Variants in SLC38A7 observed in about 807,000 individuals in gnomAD.
SLC38A7 encodes solute carrier family 38 member 7, also known as sodium-coupled neutral amino acid transporter 7.
A neutral mutation model predicts 50.1 loss-of-function variants in SLC38A7; 29 were observed. The observed-to-expected ratio is 0.58, with a 90% CI of 0.43 to 0.79. The LOEUF is 0.79. Ranked by LOEUF, SLC38A7 falls within the 30% of genes least tolerant of loss-of-function variation. The pLI is 0.00. For missense variants in SLC38A7, 483 were observed against 610.6 expected (o/e 0.79, Z 2.20); for synonymous variants, 244 against 245.9 (o/e 0.99, Z 0.07).
Position 58,676,319 on chromosome 16 carries a change from A to G in SLC38A7, c.738T>C (p.Asn246=). The change falls in exon 7 of 12, where the codon AAT becomes AAC. Residue 246 remains asparagine (N), a synonymous_variant. Transcript: ENST00000219320. ...ATCCGAAGCAGATGGTGGGCATGGC[A>G]TTGAACACAGCCATCCAGGAAGCCG... ...TRPASWMAVF[N]AMPTICFGFQ... The G allele has an allele frequency of 6.2e-7, 1 of 1,614,174 alleles. No homozygotes were observed. Among genetic ancestry groups the G allele is most frequent in the Non-Finnish European group, 8.5e-7 (1 of 1,180,030 alleles).
At chr16:58,673,424 T>C (rs12926781) in intron 8 of SLC38A7, among the ~76,000 whole-genome samples, 38,261 of 151,754 alleles carry the variant, frequency 0.25, 7,010 homozygotes, top group African/African-American at 0.52. Flanking sequence ...TTAGTAGAAA[T>C]GAGGTTTCAC....
At chr16:58,671,537 A>G in intron 9 of SLC38A7, 1 of 524,548 alleles carries the variant, frequency 1.9e-6, no homozygotes, top group African/African-American at 1.9e-5. Flanking sequence ...GTGAAAGCTC[A>G]GGAAAGGATC....
At chr16:58,676,993 T>C (rs2044281772) in intron 6 of SLC38A7, among the ~76,000 whole-genome samples, 1 of 151,224 alleles carries the variant, frequency 6.6e-6, no homozygotes, top group African/African-American at 2.4e-5. Context: ...CCCTCAAAGA[T>C]ACAGAAATTA....
At position 58,676,358 on chromosome 16, in the gene SLC38A7, C is replaced by G. The variant is rs1375131723; in HGVS notation, c.711-12G>C. On this transcript the variant is annotated splice_polypyrimidine_tract_variant and intron_variant, in intron 6 of 11. Coordinates refer to ENST00000219320, the MANE Select transcript of SLC38A7 (RefSeq NM_018231.3). ...TCCAGGAAGCCGGCCTGTGAACAAA[C>G]ACACATGGTGCTGCCACCTGGGAAC... The G allele has an allele frequency of 1.1e-5, 17 of 1,614,032 alleles. No homozygotes were observed. The highest frequency in any genetic ancestry group is 1.4e-5 in the Non-Finnish European group (16 of 1,180,040).
intron 11 of SLC38A7, 73 bp downstream of exon 11, chr16:58,670,040 T>C: frequency 7.1e-7 from 1 of 1,402,848 alleles, no homozygotes; most frequent in Non-Finnish European, 1.0e-6. Flanking sequence ...TCCTATCTGT[T>C]TTAAGGCCCC....
intron 9 of SLC38A7, 75 bp from the exon 10 acceptor site, chr16:58,671,319 C>A: frequency 6.8e-7 from 1 of 1,470,506 alleles, no homozygotes; most frequent in East Asian, 2.4e-5. Context: ...AGGAGCCAGA[C>A]CCCTAACTGG....
At chr16:58,673,302 T>G (rs1236799959) in intron 8 of SLC38A7, among the ~76,000 whole-genome samples, 3 of 150,922 alleles carry the variant, frequency 2.0e-5, no homozygotes, top group African/African-American at 7.3e-5. Context: ...GTGGTGCGAT[T>G]TCAGCTTACT....
chr16:58,674,908 C>G (rs2044232312), intron 8 of SLC38A7, among the ~76,000 whole-genome samples: 2 of 152,084 alleles, frequency 1.3e-5, no homozygotes, highest in African/African-American at 2.4e-5. Context: ...CCACCTTTCC[C>G]CGAACCACCC....
chr16:58,678,371 G>C lies in SLC38A7; in HGVS notation c.573C>G (p.Leu191=). ...SLTAFLFILP[L]SIPREIGFQK... The stretch of plus-strand genomic sequence containing the variant: ...GGAAACCAATCTCCCTGGGGATGGA[G>C]AGGGGCAGGATGAAGAGGAAGGCAG... Residue 191 remains leucine, a synonymous_variant, in exon 5 of 12, where the codon CTC becomes CTG. Coordinates refer to ENST00000219320, the MANE Select transcript of SLC38A7 (RefSeq NM_018231.3). This position sits in a 1 kb window ranked among gnomAD's most constrained non-coding sequence, Gnocchi z 4.0. 1 of 1,596,142 alleles carries C rather than the reference G, an allele frequency of 6.3e-7. No homozygotes were observed. The highest frequency in any genetic ancestry group is 8.5e-7 in the Non-Finnish European group (1 of 1,171,012).
At chr16:58,672,321 A>T (rs1271804747) in intron 8 of SLC38A7, 78 bp from the exon 9 acceptor site, 1 of 1,437,862 alleles carries the variant, frequency 7.0e-7, no homozygotes, top group Non-Finnish European at 9.4e-7. Context: ...TAGGAGCAAC[A>T]TCAGCCTGGA....
chr16:58,678,549 G>A lies in SLC38A7; in HGVS notation c.470-75C>T. The A allele has an allele frequency of 6.4e-7, 1 of 1,553,730 alleles. No homozygotes were observed. Among genetic ancestry groups the A allele is most frequent in the Non-Finnish European group, 8.7e-7 (1 of 1,145,596 alleles). On this transcript the variant is annotated intron_variant, in intron 4 of 11. Coordinates refer to ENST00000219320, the MANE Select transcript of SLC38A7 (RefSeq NM_018231.3). The surrounding 1 kb of genome is among the most constrained non-coding windows in gnomAD (Gnocchi z 4.0). ...GGCCCTCCTGCTCTGCTGGGCCCCAGGACCTCCCTCTGCCTGGAGGGAGGA... is the reference window on the plus strand; with the variant it reads ...GGCCCTCCTGCTCTGCTGGGCCCCAAGACCTCCCTCTGCCTGGAGGGAGGA...
Position 58,672,389 on chromosome 16 carries a change from C to A in SLC38A7, c.884-146G>T, listed in dbSNP as rs1026526191. 3 of 836,116 alleles carry A rather than the reference C, an allele frequency of 3.6e-6. No individual in the cohort carries two copies. The East Asian group carries it at 8.6e-5, about 24-fold the overall frequency. The allele number at this position is 836,116 out of a possible 1,614,324, so 51.8% of individuals were successfully genotyped here. A position where few individuals can be genotyped will look rare whatever the true frequency, so the allele number is the denominator to read the frequency against. On this transcript the variant is annotated intron_variant, in intron 8 of 11. Transcript: ENST00000219320. Reference sequence around the variant, plus strand: ...AGGCTCAGAGTGGGAGATGGGGCTCCGATCAGATGCCTCCCTCCCTGACTT... The same window carrying A: ...AGGCTCAGAGTGGGAGATGGGGCTCAGATCAGATGCCTCCCTCCCTGACTT...
Position 58,678,543 on chromosome 16 carries a change from G to GC in SLC38A7, c.470-70dup. ...GGGTGTGGCCCTCCTGCTCTGCTGG[G>GC]CCCCAGGACCTCCCTCTGCCTGGAG... On this transcript the variant is annotated intron_variant, in intron 4 of 11. Coordinates refer to ENST00000219320, the MANE Select transcript of SLC38A7 (RefSeq NM_018231.3). The surrounding 1 kb of genome is among the most constrained non-coding windows in gnomAD (Gnocchi z 4.0). The GC allele has an allele frequency of 6.4e-7, 1 of 1,551,056 alleles. No homozygotes were observed. Among genetic ancestry groups the GC allele is most frequent in the East Asian group, 2.3e-5 (1 of 44,178 alleles).
rs2044318364 is a variant in SLC38A7 at position 58,678,515 on chromosome 16, A to G, written c.470-41T>C. On this transcript the variant is annotated intron_variant, in intron 4 of 11. Coordinates refer to ENST00000219320, the MANE Select transcript of SLC38A7 (RefSeq NM_018231.3). The surrounding 1 kb of genome is among the most constrained non-coding windows in gnomAD (Gnocchi z 4.0). ...GGAGGGAATGTCAAGCCAGGCCACC[A>G]TGGGGTGTGGCCCTCCTGCTCTGCT... is the stretch of plus-strand genomic sequence containing the variant. The G allele has an allele frequency of 3.9e-6, 6 of 1,547,536 alleles. No individual in the cohort carries two copies. In the East Asian group the frequency reaches 1.4e-4, roughly 35 times the overall value.
At chr16:58,676,404 C>T (rs2044267957) in intron 6 of SLC38A7, 58 bp from the exon 7 acceptor site, 3 of 1,586,826 alleles carry the variant, frequency 1.9e-6, no homozygotes, top group Non-Finnish European at 2.6e-6. Flanking sequence ...CACAACCCAC[C>T]CCACGCCCTC....
At position 58,678,113 on chromosome 16, in the gene SLC38A7, C is replaced by T. The variant is rs953594430; in HGVS notation, c.611+220G>A. ...TGAACTACTCATGGATGCAAAAGGA[C>T]ATTTAGAACTGAATCTCTCATGGAT... is the stretch of plus-strand genomic sequence containing the variant. On this transcript the variant is annotated intron_variant, in intron 5 of 11. Transcript: ENST00000219320. This position sits in a 1 kb window ranked among gnomAD's most constrained non-coding sequence, Gnocchi z 4.0. Among the ~76,000 whole-genome samples, 2 of 152,150 alleles carry T rather than the reference C, an allele frequency of 1.3e-5. No homozygotes were observed. Among genetic ancestry groups the T allele is most frequent in the Non-Finnish European group, 2.9e-5 (2 of 68,040 alleles).
chr16:58,681,016 A>T (rs569302411), intron 2 of SLC38A7, among the ~76,000 whole-genome samples: 1 of 151,514 alleles, frequency 6.6e-6, no homozygotes, highest in East Asian at 2.0e-4. Flanking sequence ...TCTTCTCAGT[A>T]CTCTCTCATG....
chr16:58,667,550 T>C, intron 11 of SLC38A7, 63 bp from the exon 12 acceptor site: 1 of 1,236,066 alleles, frequency 8.1e-7, no homozygotes, highest in Non-Finnish European at 1.1e-6. Context: ...CAGACTTCAA[T>C]ATATATAACT....
chr16:58,681,504 A>T (rs2044387627), intron 2 of SLC38A7: 1 of 152,098 alleles, frequency 6.6e-6, no homozygotes, highest in African/African-American at 2.4e-5. Flanking sequence ...CAGTGTTCTC[A>T]AGGTTCAGCT....
Sources: allele counts gnomAD v4.1 joint callset (sites outside exome capture counted in the v4.1 genomes callset), GRCh38; gene constraint gnomAD v4.1.1; non-coding constraint Gnocchi (gnomAD v3.1); transcripts MANE v1.5; gene names NCBI Gene and HGNC (gene_info 2026-07-23, HGNC 2026-07-21).